RASAL2: variants seen among roughly 807,000 people sequenced by gnomAD.
RASAL2 encodes the protein RAS protein activator like 2.
A neutral mutation model predicts 128.9 loss-of-function variants in RASAL2; 58 were observed. The observed-to-expected ratio is 0.45, with a 90% confidence interval of 0.36 to 0.56. RASAL2 has a LOEUF of 0.56. Ranked by LOEUF, RASAL2 falls within the 20% of genes least tolerant of loss-of-function variation. The pLI, the probability that RASAL2 is intolerant of heterozygous loss-of-function variation, is 0.00. For missense variants in RASAL2, 1,360 were observed against 1,601.6 expected, an observed-to-expected ratio of 0.85 and a Z score of 2.57; for synonymous variants, 561 against 580.8, an observed-to-expected ratio of 0.97 and a Z score of 0.49.
At chr1:178,095,867 C>T (rs1237250047) in intron 1 of RASAL2, among the ~76,000 whole-genome samples, 6 of 152,102 alleles carry the variant, frequency 3.9e-5, no homozygotes, top group Admixed American at 3.9e-4. Context: ...CTTGTGATTC[C>T]TCATCTGTAA....
At chr1:178,284,312 A>G (rs192799784) in intron 2 of RASAL2, among the ~76,000 whole-genome samples, 2 of 152,342 alleles carry the variant, frequency 1.3e-5, no homozygotes, top group East Asian at 3.9e-4. Flanking sequence ...GGAGGAAGTA[A>G]GACAGAATAA....
chr1:178,169,996 T>A (rs1661653044), intron 1 of RASAL2, among the ~76,000 whole-genome samples: 1 of 152,050 alleles, frequency 6.6e-6, no homozygotes, highest in South Asian at 2.1e-4. Context: ...CCACTTAATT[T>A]CTTCAGTGTA....
At chr1:178,184,699 A>G (rs1268243126) in intron 1 of RASAL2, among the ~76,000 whole-genome samples, 7 of 152,002 alleles carry the variant, frequency 4.6e-5, no homozygotes, top group East Asian at 3.8e-4. Context: ...TGTAGATACT[A>G]TGCTCTCTTG....
intron 3 of RASAL2, among the ~76,000 whole-genome samples, chr1:178,359,619 G>A (rs12691479): frequency 0.11 from 16,152 of 151,986 alleles, 911 homozygotes; most frequent in Middle Eastern, 0.14. Flanking sequence ...AAAAACTTGG[G>A]GTCTCTCTTC....
At chr1:178,382,245 T>G (rs1461286534) in intron 3 of RASAL2, among the ~76,000 whole-genome samples, 1 of 152,234 alleles carries the variant, frequency 6.6e-6, no homozygotes, top group East Asian at 1.9e-4. Flanking sequence ...TTCACATTTT[T>G]TCACCATTAA....
rs191456545 is a variant in RASAL2, at chr1:178,356,796, C to T, written c.458-33304C>T. The stretch of plus-strand genomic sequence containing the variant: ...GACAATGTTCTAATTCTTGCTATGG[C>T]GGTATTATAATTCATTAAACTCTAC... On this transcript the variant is annotated intron_variant, in intron 3 of 17. Coordinates refer to ENST00000367649, the MANE Select transcript of RASAL2 (RefSeq NM_170692.4). Among the ~76,000 whole-genome samples the T allele has an allele frequency of 2.8e-3, 430 of 151,618 alleles. 2 individuals are homozygous for T. The highest frequency in any genetic ancestry group is 4.7e-3 in the Non-Finnish European group (317 of 67,856).
chr1:178,443,994 G>C (rs984382413), intron 8 of RASAL2, among the ~76,000 whole-genome samples: 1 of 152,050 alleles, frequency 6.6e-6, no homozygotes, highest in African/African-American at 2.4e-5. Flanking sequence ...ACTATTTCTT[G>C]ATATGTCGGA....
At chr1:178,409,388 G>T in intron 4 of RASAL2, among the ~76,000 whole-genome samples, 1 of 152,130 alleles carries the variant, frequency 6.6e-6, no homozygotes, top group African/African-American at 2.4e-5. Context: ...CACAGTGGAG[G>T]GGCACGTAAT....
intron 1 of RASAL2, among the ~76,000 whole-genome samples, chr1:178,260,589 A>G (rs1243921356): frequency 6.6e-6 from 1 of 150,978 alleles, no homozygotes; most frequent in Non-Finnish European, 1.5e-5. Context: ...CTTCCAAATA[A>G]GAAAAAACAA....
At chr1:178,290,070 T>C (rs751496033) in intron 2 of RASAL2, among the ~76,000 whole-genome samples, 1 of 152,250 alleles carries the variant, frequency 6.6e-6, no homozygotes, top group Non-Finnish European at 1.5e-5. Context: ...ATATTTTTTA[T>C]AGCATTTGCC....
intron 1 of RASAL2, among the ~76,000 whole-genome samples, chr1:178,119,715 T>C (rs1467895750): frequency 1.3e-5 from 2 of 152,214 alleles, no homozygotes; most frequent in Non-Finnish European, 2.9e-5. Context: ...CTGAAAAATA[T>C]ATCACACAAA....
intron 3 of RASAL2, among the ~76,000 whole-genome samples, chr1:178,345,456 A>G (rs1162288882): frequency 1.3e-5 from 2 of 152,194 alleles, no homozygotes; most frequent in Non-Finnish European, 2.9e-5. Flanking sequence ...TCCAATTCCA[A>G]AGATTACGGA....
intron 4 of RASAL2, among the ~76,000 whole-genome samples, chr1:178,396,058 C>T (rs1443753399): frequency 6.6e-6 from 1 of 151,950 alleles, no homozygotes; most frequent in African/African-American, 2.4e-5. Context: ...TTAGATACAA[C>T]TCCTTAAGGG....
intron 1 of RASAL2, among the ~76,000 whole-genome samples, chr1:178,222,754 G>C (rs901959824): frequency 6.6e-6 from 1 of 152,030 alleles, no homozygotes; most frequent in Non-Finnish European, 1.5e-5. Flanking sequence ...TGATGCTAAT[G>C]TTAAAAATAA....
chr1:178,427,831 A>T (rs1675618494), intron 5 of RASAL2, among the ~76,000 whole-genome samples: 2 of 152,048 alleles, frequency 1.3e-5, no homozygotes, highest in South Asian at 4.1e-4. Flanking sequence ...AATCATATGT[A>T]TAGATTAGTG....
chr1:178,154,146 T>C (rs1661002826), intron 1 of RASAL2, among the ~76,000 whole-genome samples: 1 of 151,752 alleles, frequency 6.6e-6, no homozygotes, highest in Admixed American at 6.6e-5. Context: ...TGATTGATTT[T>C]TTTTTTTTTT....
intron 3 of RASAL2, among the ~76,000 whole-genome samples, chr1:178,379,987 C>T (rs1672193994): frequency 6.6e-6 from 1 of 152,184 alleles, no homozygotes; most frequent in Non-Finnish European, 1.5e-5. Context: ...TGCCTCCCAG[C>T]CTCAGCGCCC....
intron 5 of RASAL2, among the ~76,000 whole-genome samples, chr1:178,438,986 A>G (rs569379330): frequency 4.6e-5 from 7 of 150,552 alleles, no homozygotes; most frequent in Admixed American, 6.7e-5. Context: ...TATTCTGTCA[A>G]TCATATAAGA....
At chr1:178,289,855 A>G (rs565684892) in intron 2 of RASAL2, among the ~76,000 whole-genome samples, 1 of 152,312 alleles carries the variant, frequency 6.6e-6, no homozygotes, top group East Asian at 1.9e-4. Context: ...TACATCAGGC[A>G]TGTTCCTCCC....
Sources: allele counts gnomAD v4.1 joint callset (sites outside exome capture counted in the v4.1 genomes callset), GRCh38; gene constraint gnomAD v4.1.1; transcripts MANE v1.5; gene names NCBI Gene and HGNC (gene_info 2026-07-23, HGNC 2026-07-21).